Variants in CDH5 observed in about 807,000 individuals in gnomAD.
CDH5 encodes cadherin 5.
In CDH5, 28 loss-of-function variants were observed where a neutral mutation model predicts 62.0. The ratio of observed to expected loss-of-function variants is 0.45; its 90% confidence interval spans 0.33 to 0.62. The LOEUF (loss-of-function observed/expected upper bound fraction) is 0.62, where lower values mean the gene tolerates loss of function less well. Ranked by LOEUF, CDH5 falls within the 20% of genes least tolerant of loss-of-function variation. The pLI, the probability that CDH5 is intolerant of heterozygous loss-of-function variation, is 0.02. For missense variants in CDH5, 940 were observed against 1,065.1 expected, an observed-to-expected ratio of 0.88 and a Z score of 1.63; for synonymous variants, 464 against 445.8, an observed-to-expected ratio of 1.04 and a Z score of -0.52.
chr16:66,397,290 G>A (rs1961202781), intron 8 of CDH5, among the ~76,000 whole-genome samples: 1 of 152,130 alleles, frequency 6.6e-6, no homozygotes, highest in African/African-American at 2.4e-5. Flanking sequence ...CACGATCACA[G>A]CTCACTGCAG....
At chr16:66,377,494 C>T (rs1047728116) in intron 1 of CDH5, 3 of 152,280 alleles carry the variant, frequency 2.0e-5, no homozygotes, top group African/African-American at 7.2e-5. Context: ...CACAGACACC[C>T]TCAGCCCTCC....
chr16:66,392,082 C>T, intron 6 of CDH5, 54 bp from the exon 7 acceptor site: 1 of 1,605,376 alleles, frequency 6.2e-7, no homozygotes, highest in Non-Finnish European at 8.5e-7. Context: ...AGATCATGTG[C>T]CACACACATG....
intron 10 of CDH5, 36 bp from the exon 11 acceptor site, chr16:66,400,735 T>A (rs973814071): frequency 6.2e-7 from 1 of 1,613,848 alleles, no homozygotes; most frequent in Non-Finnish European, 8.5e-7. Context: ...TCTGTGCAGA[T>A]GGCAAAGCCT....
chr16:66,370,875 G>C (rs989998275), intron 1 of CDH5, among the ~76,000 whole-genome samples: 4 of 152,334 alleles, frequency 2.6e-5, no homozygotes, highest in Admixed American at 2.6e-4. Flanking sequence ...GGCTGGAAGG[G>C]GCAGGGAAGT....
chr16:66,377,216 C>G (rs1960802516), intron 1 of CDH5: 1 of 152,372 alleles, frequency 6.6e-6, no homozygotes, highest in African/African-American at 2.4e-5. Context: ...CAACCTGCCT[C>G]CTTTCTTCTC....
At chr16:66,396,310 G>A in intron 8 of CDH5, 109 bp downstream of exon 8, 4 of 1,356,476 alleles carry the variant, frequency 2.9e-6, no homozygotes, top group Non-Finnish European at 4.1e-6. Flanking sequence ...AGAAGTGCCT[G>A]CTGAAGCACC....
chr16:66,392,466 A>G (rs1961106058), intron 7 of CDH5, 83 bp downstream of exon 7: 1 of 1,552,322 alleles, frequency 6.4e-7, no homozygotes, highest in Non-Finnish European at 8.8e-7. Flanking sequence ...GCCAGGACTC[A>G]GAGAGGGGAA....
chr16:66,380,237 T>C (rs1478910328), intron 2 of CDH5, among the ~76,000 whole-genome samples: 1 of 103,990 alleles, frequency 9.6e-6, no homozygotes, highest in Admixed American at 9.6e-5. Context: ...GATAAAGGGG[T>C]AGGTGGTGGT....
At chr16:66,368,289 G>T (rs1425792048) in intron 1 of CDH5, among the ~76,000 whole-genome samples, 1 of 152,168 alleles carries the variant, frequency 6.6e-6, no homozygotes, top group East Asian at 1.9e-4. Context: ...TCCTCTGCCT[G>T]CCCTAGAGAG....
rs889827933 is a variant in CDH5, at chr16:66,404,766, A to G, written c.*1597A>G. On this transcript the variant is annotated 3_prime_UTR_variant, in exon 12 of 12. Transcript: ENST00000341529. Reference sequence around the variant, plus strand: ...TATTTTTTTATACCTAAATAAAGAAAAATCTTTAGCCTGGGCAACATAGGG... The same window carrying G: ...TATTTTTTTATACCTAAATAAAGAAGAATCTTTAGCCTGGGCAACATAGGG... 1 of 152,528 alleles carries G rather than the reference A, an allele frequency of 6.6e-6. No individual in the cohort carries two copies. Among genetic ancestry groups the G allele is most frequent in the African/African-American group, 2.4e-5 (1 of 41,420 alleles). 9.4% of individuals were successfully genotyped at this position (152,528 alleles called of 1,614,324 possible).
rs1231120022 is a variant in CDH5 at position 66,398,203 on chromosome 16, A to G, written c.1485+97A>G. 7.8e-6 allele frequency: 11 copies of G among 1,413,812 alleles called. No individual in the cohort carries two copies. The Admixed American group carries it at 1.4e-4, about 18-fold the overall frequency. 87.6% of individuals were successfully genotyped at this position (1,413,812 alleles called of 1,614,324 possible). On this transcript the variant is annotated intron_variant, in intron 9 of 11. Coordinates refer to ENST00000341529, the MANE Select transcript of CDH5 (RefSeq NM_001795.5). Reference sequence around the variant, plus strand: ...AGAGTCAGCAGGAGTTCCCCTGTACAATAGCCTTGAGGAAAATAACATTAT... The same window carrying G: ...AGAGTCAGCAGGAGTTCCCCTGTACGATAGCCTTGAGGAAAATAACATTAT...
intron 1 of CDH5, among the ~76,000 whole-genome samples, chr16:66,371,968 T>C (rs1047971344): frequency 4.6e-5 from 7 of 152,186 alleles, no homozygotes; most frequent in African/African-American, 1.7e-4. Flanking sequence ...AGCCTCTCTT[T>C]TTGACACTGT....
In CDH5 at chr16:66,392,400, C is replaced by G; in HGVS notation, c.1217+17C>G. 6.2e-7 allele frequency: 1 copy of G among 1,613,598 alleles called. No homozygotes were observed. The highest frequency in any genetic ancestry group is 8.5e-7 in the Non-Finnish European group (1 of 1,179,748). On this transcript the variant is annotated intron_variant, in intron 7 of 11. Coordinates refer to ENST00000341529, the MANE Select transcript of CDH5 (RefSeq NM_001795.5). ...TAGCATTGGGTAAGGGGGCGTGTGT[C>G]GATGAGAATGATAAGGACAATCCGG... is the stretch of plus-strand genomic sequence containing the variant.
intron 6 of CDH5, 117 bp from the exon 7 acceptor site, chr16:66,392,019 C>T: frequency 8.0e-7 from 1 of 1,252,486 alleles, no homozygotes; most frequent in Non-Finnish European, 1.1e-6. Context: ...GCCATGGGCC[C>T]CTCATCTATA....
chr16:66,398,043 C>T lies in CDH5; in HGVS notation c.1422C>T (p.Asp474=). 2.5e-6 allele frequency: 4 copies of T among 1,614,174 alleles called. No individual in the cohort carries two copies. The highest frequency in any genetic ancestry group is 3.4e-6 in the Non-Finnish European group (4 of 1,180,026). ...QVHIEVLDEN[D]NAPEFAKPYQ... ...ACATTGAAGTTTTGGATGAGAATGA[C>T]AATGCCCCGGAGTTTGCCAAGCCCT... Residue 474 remains aspartate (D), a synonymous_variant, in exon 9 of 12, where the codon GAC becomes GAT. Transcript: ENST00000341529.
At chr16:66,393,320 C>T (rs987497111) in intron 7 of CDH5, among the ~76,000 whole-genome samples, 4 of 152,152 alleles carry the variant, frequency 2.6e-5, no homozygotes, top group African/African-American at 9.7e-5. Flanking sequence ...TTGTATAAGT[C>T]CATTCTCCTA....
Position 66,398,447 on chromosome 16 carries a change from A to C in CDH5, c.1486-9A>C, listed in dbSNP as rs1961226344. ...CATCACTGACCATCTCCTGTCTTCC[A>C]CACTCCAGCTGGTCCTGCAGATCTC... On this transcript the variant is annotated splice_polypyrimidine_tract_variant and intron_variant, in intron 9 of 11. Coordinates refer to ENST00000341529, the MANE Select transcript of CDH5 (RefSeq NM_001795.5). 6.4e-7 allele frequency: 1 copy of C among 1,568,218 alleles called. No homozygotes were observed. The highest frequency in any genetic ancestry group is 1.1e-5 in the South Asian group (1 of 90,220).
chr16:66,392,365 C>A lies in CDH5; in HGVS notation c.1199C>A (p.Ala400Glu), dbSNP rs753946195. The change falls in exon 7 of 12, where the codon GCG (alanine) becomes GAG (glutamate). Residue 400 changes from alanine to glutamate, a missense_variant. By Grantham distance (107) the Ala-to-Glu change is moderately radical. Coordinates refer to ENST00000341529, the MANE Select transcript of CDH5 (RefSeq NM_001795.5). Reference protein sequence around the residue: ...IGTVLAMDPDAARHSIGYSIR... With the variant: ...IGTVLAMDPDEARHSIGYSIR... ...ACAGTGCTGGCCATGGACCCTGATG[C>A]GGCTAGGCATAGCATTGGGTAAGGG... 2 of 1,614,132 alleles carry A rather than the reference C, an allele frequency of 1.2e-6. No homozygotes were observed. Among genetic ancestry groups the A allele is most frequent in the South Asian group, 1.1e-5 (1 of 91,084 alleles).
intron 4 of CDH5, 103 bp downstream of exon 4, chr16:66,388,543 C>T (rs1961026478): frequency 1.3e-6 from 1 of 762,370 alleles, no homozygotes; most frequent in East Asian, 2.4e-5. Context: ...TGACAGGTGT[C>T]ACTAGCTACT....
Sources: gnomAD v4.1 joint callset for allele counts (sites outside exome capture counted in the v4.1 genomes callset) on GRCh38, gnomAD v4.1.1 for gene constraint, MANE v1.5 for transcripts, NCBI Gene and HGNC (gene_info 2026-07-23, HGNC 2026-07-21) for gene names.